Variants in ASAP2 observed in about 807,000 individuals in gnomAD.
The protein encoded by ASAP2 is arf-GAP with SH3 domain, ANK repeat and PH domain-containing protein 2.
In ASAP2, 45 loss-of-function variants were observed where a neutral mutation model predicts 131.4. That is an observed-to-expected ratio of 0.34 (90% CI 0.27 to 0.44). ASAP2 has a LOEUF of 0.44. ASAP2 is among the 20% of genes least tolerant of loss of function. The pLI is 1.00. For missense variants in ASAP2, 1,011 were observed against 1,297.0 expected, an observed-to-expected ratio of 0.78 and a Z score of 3.39; for synonymous variants, 510 against 503.0, an observed-to-expected ratio of 1.01 and a Z score of -0.19.
intron 16 of ASAP2, 77 bp from the exon 17 acceptor site, chr2:9,374,678 A>T: frequency 7.2e-7 from 1 of 1,383,640 alleles, no homozygotes; most frequent in South Asian, 1.4e-5. Context: ...AACCGTTAAC[A>T]TGGCCTTAGA....
At chr2:9,361,896 A>T (rs115499783) in intron 15 of ASAP2, among the ~76,000 whole-genome samples, 1 of 150,982 alleles carries the variant, frequency 6.6e-6, no homozygotes, top group Non-Finnish European at 1.5e-5. Context: ...AGATTGTTTT[A>T]TTTTGCTTAG....
rs1669314515 is a variant in ASAP2 at position 9,311,738 on chromosome 2, G to A, written c.346-6786G>A. ...GCCTGAGGCTGCTGGACACACAGAG[G>A]AAGCCCAGAGCCTGCCCGCCACTCA... On this transcript the variant is annotated intron_variant, in intron 3 of 27. Coordinates refer to ENST00000281419, the MANE Select transcript of ASAP2 (RefSeq NM_003887.3). This position sits in a 1 kb window ranked among gnomAD's most constrained non-coding sequence, Gnocchi z 5.2. Among the ~76,000 whole-genome samples the A allele has an allele frequency of 6.6e-6, 1 of 152,204 alleles. No individual in the cohort carries two copies. Among genetic ancestry groups the A allele is most frequent in the African/African-American group, 2.4e-5 (1 of 41,448 alleles).
chr2:9,366,273 G>A (rs1172167674), intron 15 of ASAP2, among the ~76,000 whole-genome samples: 2 of 152,022 alleles, frequency 1.3e-5, no homozygotes, highest in Non-Finnish European at 2.9e-5. Flanking sequence ...CCAAGTCCAA[G>A]CAGAAGGGAA....
intron 3 of ASAP2, among the ~76,000 whole-genome samples, chr2:9,317,732 A>C (rs553219388): frequency 6.7e-6 from 1 of 150,290 alleles, no homozygotes; most frequent in Admixed American, 6.6e-5. Flanking sequence ...TCACATTCAC[A>C]CTCACATCCA....
rs942839221 is a variant in ASAP2, at chr2:9,374,927, C to T, written c.1729C>T (p.Pro577Ser). 3 of 1,607,540 alleles carry T rather than the reference C, an allele frequency of 1.9e-6. No homozygotes were observed. Among genetic ancestry groups the T allele is most frequent in the African/African-American group, 1.4e-5 (1 of 73,798 alleles). Residue 577 changes from proline to serine, a missense_variant, in exon 17 of 28, where the codon CCA becomes TCA. By Grantham distance (74) the Pro-to-Ser change is moderately conservative. Around this residue, in one of 2 missense-constraint regions of ASAP2, gnomAD observed 652 missense variants for 698.9 expected, o/e 0.93. Coordinates refer to ENST00000281419, the MANE Select transcript of ASAP2 (RefSeq NM_003887.3). ...ADGVDLTEKI[P>S]LANGHEPDET... Reference sequence around the variant, plus strand: ...TGGTGTGGATCTTACGGAAAAAATCCCACTGGCCAACGGACATGTAAGAGT... The same window carrying T: ...TGGTGTGGATCTTACGGAAAAAATCTCACTGGCCAACGGACATGTAAGAGT...
intron 2 of ASAP2, among the ~76,000 whole-genome samples, chr2:9,286,321 C>A (rs1667457238): frequency 6.6e-6 from 1 of 151,960 alleles, no homozygotes; most frequent in South Asian, 2.1e-4. Flanking sequence ...TTACATGAAC[C>A]TGGGAGGTTG....
At chr2:9,368,998 A>C (rs1362746708) in intron 16 of ASAP2, among the ~76,000 whole-genome samples, 1 of 150,884 alleles carries the variant, frequency 6.6e-6, no homozygotes, top group Non-Finnish European at 1.5e-5. Context: ...TATTGTTGAT[A>C]CACAACTTGA....
At chr2:9,216,282 ATTT>A (rs113751391) in intron 1 of ASAP2, among the ~76,000 whole-genome samples, 3 of 123,760 alleles carry the variant, frequency 2.4e-5, no homozygotes, top group East Asian at 2.3e-4. Context: ...GTCAGTTCAT[ATTT>A]TTTTTTTTTT....
chr2:9,220,348 G>C (rs1662328816), intron 1 of ASAP2, among the ~76,000 whole-genome samples: 1 of 152,200 alleles, frequency 6.6e-6, no homozygotes, highest in Non-Finnish European at 1.5e-5. Flanking sequence ...TACCAGCCAT[G>C]TGTAAGGGTT....
At chr2:9,258,340 T>G (rs1158166756) in intron 1 of ASAP2, among the ~76,000 whole-genome samples, 2 of 151,554 alleles carry the variant, frequency 1.3e-5, no homozygotes, top group Non-Finnish European at 2.9e-5. Context: ...TAGTTGTTTT[T>G]TTTTTTTTTT....
At chr2:9,328,747 A>G (rs933231540) in intron 7 of ASAP2, among the ~76,000 whole-genome samples, 35 of 151,972 alleles carry the variant, frequency 2.3e-4, no homozygotes, top group Non-Finnish European at 3.7e-4. Flanking sequence ...TCACTCACCC[A>G]CCCAACACAC....
At chr2:9,264,596 C>T (rs946892096) in intron 1 of ASAP2, among the ~76,000 whole-genome samples, 2 of 152,164 alleles carry the variant, frequency 1.3e-5, no homozygotes, top group African/African-American at 4.8e-5. Context: ...GCAAGTCATA[C>T]GTGAATATAT....
intron 4 of ASAP2, 24 bp downstream of exon 4, chr2:9,318,622 C>T (rs760524374): frequency 8.9e-6 from 14 of 1,566,128 alleles, no homozygotes; most frequent in Non-Finnish European, 1.2e-5. Flanking sequence ...ACTGTGACAC[C>T]AGGGGCAGCT....
chr2:9,289,990 G>A (rs966665342), intron 2 of ASAP2, among the ~76,000 whole-genome samples: 1 of 68,308 alleles, frequency 1.5e-5, no homozygotes, highest in African/African-American at 5.7e-5. Flanking sequence ...GGAAGAAGCC[G>A]GTGAGAGGCA....
intron 1 of ASAP2, among the ~76,000 whole-genome samples, chr2:9,262,179 A>C (rs1665618184): frequency 6.6e-6 from 1 of 151,618 alleles, no homozygotes; most frequent in South Asian, 2.1e-4. Context: ...ATGTTGATGG[A>C]AAAAAAAATG....
At chr2:9,271,073 G>C (rs561912675) in intron 1 of ASAP2, among the ~76,000 whole-genome samples, 1 of 151,490 alleles carries the variant, frequency 6.6e-6, no homozygotes. Context: ...GATTACAGGC[G>C]TGAGCCACCG....
intron 1 of ASAP2, among the ~76,000 whole-genome samples, chr2:9,241,701 A>G (rs1663980931): frequency 6.6e-6 from 1 of 152,180 alleles, no homozygotes; most frequent in African/African-American, 2.4e-5. Context: ...AAAGATATGT[A>G]CTGTAATTTT....
At chr2:9,264,642 C>G (rs1665815735) in intron 1 of ASAP2, among the ~76,000 whole-genome samples, 1 of 152,100 alleles carries the variant, frequency 6.6e-6, no homozygotes, top group South Asian at 2.1e-4. Context: ...AGCGAAAACT[C>G]AGTCTCCTGT....
Position 9,219,880 on chromosome 2 carries a change from G to A in ASAP2, c.126+12650G>A, listed in dbSNP as rs149278672. Among the ~76,000 whole-genome samples, 622 of 152,214 alleles carry A rather than the reference G, an allele frequency of 4.1e-3. 6 individuals are homozygous for A. Among genetic ancestry groups the A allele is most frequent in the African/African-American group, 0.014 (586 of 41,534 alleles). ...TCATTCCCTAGTCACCTGTACCCGA[G>A]TCCTTGGCAGTCACTCATCTACTTT... On this transcript the variant is annotated intron_variant, in intron 1 of 27. Coordinates refer to ENST00000281419, the MANE Select transcript of ASAP2 (RefSeq NM_003887.3).
Sources: gnomAD v4.1 joint callset for allele counts (sites outside exome capture counted in the v4.1 genomes callset) on GRCh38, gnomAD v4.1.1 for gene constraint, gnomAD v4.1.1 regional missense constraint, Gnocchi (gnomAD v3.1) non-coding constraint, MANE v1.5 for transcripts, NCBI Gene and HGNC (gene_info 2026-07-23, HGNC 2026-07-21) for gene names.